POLR2F: variants seen among roughly 807,000 people sequenced by gnomAD.
POLR2F encodes RNA polymerase II, I and III subunit F.
A neutral mutation model predicts 22.7 loss-of-function variants in POLR2F; 12 were observed. That is an observed-to-expected ratio of 0.53 (90% CI 0.34 to 0.86). The LOEUF (loss-of-function observed/expected upper bound fraction) is 0.86, where lower values mean the gene tolerates loss of function less well. Among genes scored for constraint, POLR2F ranks in the 40% least tolerant of loss-of-function variants. POLR2F has a pLI of 0.02. For synonymous variants in POLR2F, 57 were observed against 66.0 expected (o/e 0.86, Z 0.66); for missense variants, 126 against 171.5 (o/e 0.73, Z 1.48).
At chr22:37,985,300 C>A (rs1055625914), upstream of POLR2F, 1 of 152,190 alleles carries the variant, frequency 6.6e-6, no homozygotes, top group African/African-American at 2.4e-5. Flanking sequence ...CCAGCTCCTT[C>A]CACACTGGGC....
chr22:38,041,298 C>A, downstream of POLR2F: 1 of 713,522 alleles, frequency 1.4e-6, no homozygotes. Flanking sequence ...GTTTCTGGCC[C>A]AGGTGACCAG....
intron 3 of POLR2F, among the ~76,000 whole-genome samples, chr22:37,966,547 C>T (rs1293445821): frequency 6.6e-6 from 1 of 151,892 alleles, no homozygotes; most frequent in African/African-American, 2.4e-5. Context: ...CTGAGGCAGG[C>T]GGATTGCTTG....
downstream of POLR2F, among the ~76,000 whole-genome samples, chr22:38,030,467 A>AGT (rs2085053959): frequency 6.6e-6 from 1 of 151,422 alleles, no homozygotes; most frequent in Admixed American, 6.6e-5. Context: ...CTCGGGAGCC[A>AGT]GTGTGCGCTG....
intron 1 of POLR2F, among the ~76,000 whole-genome samples, chr22:38,011,996 A>AAGCAATC (rs1951005828): frequency 6.6e-6 from 1 of 151,912 alleles, no homozygotes; most frequent in African/African-American, 2.4e-5. Context: ...ATAAAGCACC[A>AAGCAATC]AGCAATCAGT....
chr22:37,964,487 A>G (rs558291124), intron 3 of POLR2F, among the ~76,000 whole-genome samples: 2 of 152,256 alleles, frequency 1.3e-5, no homozygotes, highest in Admixed American at 6.5e-5. Context: ...GGCAGTGTGC[A>G]GCACTTAAAG....
At chr22:37,955,644 T>TA (rs1301793947) in intron 1 of POLR2F, among the ~76,000 whole-genome samples, 4 of 151,846 alleles carry the variant, frequency 2.6e-5, no homozygotes, top group African/African-American at 4.8e-5. Flanking sequence ...ATTGAAGGGG[T>TA]AAAATGGAAC....
At chr22:38,026,093 A>G in exon 2 of POLR2F, 1 of 534,156 alleles carries the variant, frequency 1.9e-6, no homozygotes, top group Non-Finnish European at 3.8e-6. Flanking sequence ...GACTCCCCTC[A>G]GGTGCCCCTG....
intron 1 of POLR2F, among the ~76,000 whole-genome samples, chr22:38,013,066 A>G (rs2145811675): frequency 6.6e-6 from 1 of 152,024 alleles, no homozygotes; most frequent in Admixed American, 6.6e-5. Context: ...CTCATTGCTT[A>G]GTTATGACTT....
intron 1 of POLR2F, among the ~76,000 whole-genome samples, chr22:37,991,307 CG>C (rs879714982): frequency 5.4e-4 from 82 of 151,812 alleles, no homozygotes; most frequent in African/African-American, 1.9e-3. Context: ...TTAGTAGAGA[CG>C]GGGTTTCACC....
Position 38,025,130 on chromosome 22 carries a change from G to A in POLR2F, c.121-739G>A, listed in dbSNP as rs149224853. 4.0e-3 allele frequency among the ~76,000 whole-genome samples: 605 copies of A among 152,194 alleles called. 5 individuals carry two copies. Among genetic ancestry groups the A allele is most frequent in the Non-Finnish European group, 6.2e-3 (419 of 68,000 alleles). On this transcript the variant is annotated intron_variant, in intron 1 of 2. Transcript: ENST00000333418. ...AGCCACTCAAGAGGACATTCCCTAGGCAGCTTGGCCTGTTCATATATTTGA... is the reference window on the plus strand; with the variant it reads ...AGCCACTCAAGAGGACATTCCCTAGACAGCTTGGCCTGTTCATATATTTGA...
In POLR2F at chr22:37,967,859, A is replaced by G. The variant is rs1389016757; in HGVS notation, c.*144A>G. On this transcript the variant is annotated 3_prime_UTR_variant, in exon 5 of 5. Coordinates refer to ENST00000442738, the MANE Select transcript of POLR2F (RefSeq NM_021974.5). Reference sequence around the variant, plus strand: ...CACCTGTTGCTTCCCCGTTACCGCCATGCTGCGTGGAGCATGCACCTATTC... The same window carrying G: ...CACCTGTTGCTTCCCCGTTACCGCCGTGCTGCGTGGAGCATGCACCTATTC... 2.1e-6 allele frequency: 3 copies of G among 1,418,876 alleles called. No homozygotes were observed. Among genetic ancestry groups the G allele is most frequent in the South Asian group, 1.5e-5 (1 of 66,660 alleles). 87.9% of individuals were successfully genotyped at this position (1,418,876 alleles called of 1,614,324 possible).
At chr22:37,972,453 G>A (rs997745129), downstream of POLR2F, 4 of 350,580 alleles carry the variant, frequency 1.1e-5, no homozygotes, top group African/African-American at 2.2e-5. Flanking sequence ...TGCAGAACAG[G>A]AAAATAGGGG....
downstream of POLR2F, chr22:37,974,047 G>A (rs773196371): frequency 2.5e-6 from 4 of 1,614,020 alleles, no homozygotes; most frequent in East Asian, 2.2e-5. This position sits in a 1 kb window ranked among gnomAD's most constrained non-coding sequence, Gnocchi z 5.4. Flanking sequence ...ACATTACCTC[G>A]TGGCTGATCT....
At chr22:37,967,442 C>T (rs1931900509) in intron 4 of POLR2F, 183 bp from the exon 5 acceptor site, 2 of 1,435,304 alleles carry the variant, frequency 1.4e-6, no homozygotes. Context: ...CATTCTTCCC[C>T]CTCTTGTCTG....
intron 1 of POLR2F, among the ~76,000 whole-genome samples, chr22:37,999,617 C>T (rs1168955118): frequency 6.6e-6 from 1 of 152,104 alleles, no homozygotes; most frequent in Non-Finnish European, 1.5e-5. Context: ...GGCTGGCCAC[C>T]GAGCCGAAAT....
chr22:37,989,549 A>C (rs1932678191), intron 1 of POLR2F, among the ~76,000 whole-genome samples: 1 of 152,216 alleles, frequency 6.6e-6, no homozygotes, highest in Admixed American at 6.5e-5. Flanking sequence ...TTAACAGCGA[A>C]GGCGACACTC....
At position 37,957,411 on chromosome 22, in the gene POLR2F, C is replaced by T. The variant is rs548672926; in HGVS notation, c.90+569C>T. On this transcript the variant is annotated intron_variant, in intron 2 of 4. Coordinates refer to ENST00000442738, the MANE Select transcript of POLR2F (RefSeq NM_021974.5). ...GAGAAGGCAGATAAAAGAGTTATTT[C>T]GGTGGGTTGGTTATGGGGCTGAGAA... is the stretch of plus-strand genomic sequence containing the variant. 1.8e-4 allele frequency among the ~76,000 whole-genome samples: 28 copies of T among 152,184 alleles called. No homozygotes were observed. In the South Asian group the frequency reaches 4.8e-3, roughly 26 times the overall value.
Position 37,967,876 on chromosome 22 carries a change from C to T in POLR2F, c.*161C>T. On this transcript the variant is annotated 3_prime_UTR_variant, in exon 5 of 5. Coordinates refer to ENST00000442738, the MANE Select transcript of POLR2F (RefSeq NM_021974.5). Reference sequence around the variant, plus strand: ...TTACCGCCATGCTGCGTGGAGCATGCACCTATTCCAGTGGCCCTGTGACTG... The same window carrying T: ...TTACCGCCATGCTGCGTGGAGCATGTACCTATTCCAGTGGCCCTGTGACTG... 7.3e-7 allele frequency: 1 copy of T among 1,377,116 alleles called. No homozygotes were observed. The highest frequency in any genetic ancestry group is 2.8e-5 in the East Asian group (1 of 35,176). The allele number at this position is 1,377,116 out of a possible 1,614,324, so 85.3% of individuals were successfully genotyped here. A position where few individuals can be genotyped will look rare whatever the true frequency, so the allele number is the denominator to read the frequency against.
At chr22:37,981,573 A>G (rs1424285163), upstream of POLR2F, among the ~76,000 whole-genome samples, 1 of 152,152 alleles carries the variant, frequency 6.6e-6, no homozygotes, top group Non-Finnish European at 1.5e-5. Flanking sequence ...ACCCTTGGCA[A>G]TGGGAGATGG....
Sources: allele counts gnomAD v4.1 joint callset (sites outside exome capture counted in the v4.1 genomes callset), GRCh38; gene constraint gnomAD v4.1.1; non-coding constraint Gnocchi (gnomAD v3.1); transcripts MANE v1.5; gene names NCBI Gene and HGNC (gene_info 2026-07-23, HGNC 2026-07-21).